ADAMTS14: variants seen among roughly 807,000 people sequenced by gnomAD.
ADAMTS14 encodes A disintegrin and metalloproteinase with thrombospondin motifs 14.
A neutral mutation model predicts 128.6 loss-of-function variants in ADAMTS14; 100 were observed. That is an observed-to-expected ratio of 0.78 (90% CI 0.66 to 0.92). ADAMTS14 has a LOEUF of 0.92. Among genes scored for constraint, ADAMTS14 ranks in the 40% least tolerant of loss-of-function variants. The pLI, the probability that ADAMTS14 is intolerant of heterozygous loss-of-function variation, is 0.00. For synonymous variants in ADAMTS14, 665 were observed against 653.8 expected, an observed-to-expected ratio of 1.02 and a Z score of -0.26; for missense variants, 1,562 against 1,658.6, an observed-to-expected ratio of 0.94 and a Z score of 1.01.
chr10:70,721,806 A>G (rs1449618516), intron 4 of ADAMTS14, among the ~76,000 whole-genome samples: 1 of 152,246 alleles, frequency 6.6e-6, no homozygotes, highest in East Asian at 1.9e-4. Context: ...CAGTCAGCAT[A>G]GTCCTCAGTG....
At chr10:70,752,915 G>C (rs1050606576) in intron 18 of ADAMTS14, among the ~76,000 whole-genome samples, 7 of 152,228 alleles carry the variant, frequency 4.6e-5, no homozygotes, top group Non-Finnish European at 1.0e-4. Context: ...ATGATAACCA[G>C]CCCCTCCTCT....
Position 70,751,657 on chromosome 10 carries a change from C to T in ADAMTS14, c.2596+11C>T, listed in dbSNP as rs1446926568. On this transcript the variant is annotated intron_variant, in intron 17 of 21. Transcript: ENST00000373207. ...AGGCCTGTGGAGGAGGTACCGGTTCCCTGACCCGCCAGTGCTTTGTTGGGG... is the reference window on the plus strand; with the variant it reads ...AGGCCTGTGGAGGAGGTACCGGTTCTCTGACCCGCCAGTGCTTTGTTGGGG... The T allele has an allele frequency of 1.9e-6, 3 of 1,596,906 alleles. No individual in the cohort carries two copies. Among genetic ancestry groups the T allele is most frequent in the Non-Finnish European group, 1.7e-6 (2 of 1,166,086 alleles).
chr10:70,754,218 C>T (rs1720600069), intron 19 of ADAMTS14, among the ~76,000 whole-genome samples: 1 of 152,260 alleles, frequency 6.6e-6, no homozygotes, highest in South Asian at 2.1e-4. Context: ...GTAAGCTTCA[C>T]ACAGTGCCAG....
intron 1 of ADAMTS14, among the ~76,000 whole-genome samples, chr10:70,673,692 G>C (rs1755618336): frequency 6.6e-6 from 1 of 152,172 alleles, no homozygotes; most frequent in Non-Finnish European, 1.5e-5. Flanking sequence ...GACGTGAACT[G>C]GGGAGACGAG....
intron 11 of ADAMTS14, among the ~76,000 whole-genome samples, chr10:70,740,359 A>T (rs1841957068): frequency 6.6e-6 from 1 of 152,208 alleles, no homozygotes; most frequent in South Asian, 2.1e-4. Flanking sequence ...AGCATAGATG[A>T]CTATAAAATA....
At chr10:70,751,327 A>C in intron 16 of ADAMTS14, 151 bp from the exon 17 acceptor site, 1 of 758,066 alleles carries the variant, frequency 1.3e-6, no homozygotes, top group Non-Finnish European at 2.2e-6. Context: ...CCAACCCCCT[A>C]CCATACCCCA....
Position 70,760,540 on chromosome 10 carries a change from C to T in ADAMTS14, c.3359C>T (p.Pro1120Leu). Reference protein sequence around the residue: ...SLPPFSTPGSPLPGPQDPADA... With the variant: ...SLPPFSTPGSLLPGPQDPADA... ...CCCCCCTTCTCCACTCCTGGAAGCC[C>T]CTTACCAGGACCCCAGGACCCTGCA... The change falls in exon 22 of 22, where the codon CCC becomes CTC. Residue 1120 changes from proline to leucine, a missense_variant. By Grantham distance (98) the Pro-to-Leu change is moderately conservative. Transcript: ENST00000373207. 4 of 1,613,450 alleles carry T rather than the reference C, an allele frequency of 2.5e-6. No homozygotes were observed. Among genetic ancestry groups the T allele is most frequent in the African/African-American group, 1.3e-5 (1 of 75,040 alleles).
intron 2 of ADAMTS14, among the ~76,000 whole-genome samples, chr10:70,693,422 C>T (rs1564523695): frequency 1.3e-5 from 2 of 152,158 alleles, no homozygotes; most frequent in African/African-American, 4.8e-5. Flanking sequence ...TCCATGCATG[C>T]TTCAAAGTGA....
intron 2 of ADAMTS14, among the ~76,000 whole-genome samples, chr10:70,679,790 T>G (rs921316914): frequency 3.3e-5 from 5 of 152,220 alleles, no homozygotes; most frequent in African/African-American, 1.2e-4. Flanking sequence ...CTGCAGATCT[T>G]GCATTTTTGA....
Position 70,672,679 on chromosome 10 carries a change from C to T in ADAMTS14, c.-124C>T. ...GGGAAGCAGCTAGGCGGGGAGGCGG[C>T]TGAGGCGGCAGCGGCGGCAGCCAGC... is the stretch of plus-strand genomic sequence containing the variant. On this transcript the variant is annotated 5_prime_UTR_variant, in exon 1 of 22. Transcript: ENST00000373207. 1.6e-6 allele frequency: 2 copies of T among 1,243,150 alleles called. No homozygotes were observed. 77.0% of individuals were successfully genotyped at this position (1,243,150 alleles called of 1,614,324 possible).
rs777439153 is a variant in ADAMTS14, at chr10:70,743,536, C to T, written c.1925-12C>T. The T allele has an allele frequency of 2.5e-6, 4 of 1,611,428 alleles. No homozygotes were observed. The highest frequency in any genetic ancestry group is 3.4e-6 in the Non-Finnish European group (4 of 1,179,242). On this transcript the variant is annotated splice_polypyrimidine_tract_variant and intron_variant, in intron 12 of 21. Transcript: ENST00000373207. ...CCCAGCTGGGGACTCAGCATAGTCC[C>T]TCTCCCTACAGACGCCCAGAAGTGT...
intron 4 of ADAMTS14, among the ~76,000 whole-genome samples, chr10:70,724,490 C>T (rs376060262): frequency 8.5e-5 from 13 of 152,328 alleles, no homozygotes; most frequent in African/African-American, 2.9e-4. Flanking sequence ...AGGGCCAGGT[C>T]CTGGGTGCAC....
intron 4 of ADAMTS14, among the ~76,000 whole-genome samples, chr10:70,721,026 T>A (rs1020792859): frequency 7.2e-6 from 1 of 139,192 alleles, no homozygotes; most frequent in East Asian, 2.1e-4. Flanking sequence ...TTTCTTTTTT[T>A]TTTTTTTTTT....
chr10:70,674,001 T>C lies in ADAMTS14; in HGVS notation c.83-555T>C, dbSNP rs1439656096. ...CACTGTCCTCCTGTAAAAAGTTTTC[T>C]TTCTAACCTTGGAAAAATAGAGAAC... On this transcript the variant is annotated intron_variant, in intron 1 of 21. Transcript: ENST00000373207. Among the ~76,000 whole-genome samples, 4 of 152,234 alleles carry C rather than the reference T, an allele frequency of 2.6e-5. No individual in the cohort carries two copies. The East Asian group carries it at 7.7e-4, about 29-fold the overall frequency.
chr10:70,734,986 G>T (rs764717928), intron 8 of ADAMTS14, among the ~76,000 whole-genome samples, 183 bp from the exon 9 acceptor site: 1 of 152,242 alleles, frequency 6.6e-6, no homozygotes, highest in Non-Finnish European at 1.5e-5. Context: ...ACTGGTGGGA[G>T]TGAGGTCCTG....
In ADAMTS14 at chr10:70,690,626, C is replaced by T. The variant is rs924119992; in HGVS notation, c.523-11686C>T. ...GCATGGTTTAAAACTAGTCAGCGACCCACTGGGCCAGGCTGCTGTAGGGCT... is the reference window on the plus strand; with the variant it reads ...GCATGGTTTAAAACTAGTCAGCGACTCACTGGGCCAGGCTGCTGTAGGGCT... On this transcript the variant is annotated intron_variant, in intron 2 of 21. Transcript: ENST00000373207. Among the ~76,000 whole-genome samples the T allele has an allele frequency of 1.4e-5, 2 of 145,164 alleles. 1 individual carries two copies. The highest frequency in any genetic ancestry group is 3.2e-5 in the Non-Finnish European group (2 of 63,438).
intron 15 of ADAMTS14, among the ~76,000 whole-genome samples, chr10:70,746,237 A>G (rs1842173913): frequency 6.6e-6 from 1 of 152,226 alleles, no homozygotes; most frequent in Admixed American, 6.5e-5. Flanking sequence ...CTATGAAGCT[A>G]GGCTCGATTA....
At chr10:70,678,234 C>T (rs1266421012) in intron 2 of ADAMTS14, among the ~76,000 whole-genome samples, 1 of 152,222 alleles carries the variant, frequency 6.6e-6, no homozygotes, top group African/African-American at 2.4e-5. Flanking sequence ...TTGCTTCCTT[C>T]AATCTTCTGA....
In ADAMTS14 at chr10:70,709,789, C is replaced by T. The variant is rs917122397; in HGVS notation, c.870+1011C>T. ...TGCTGGGATTACAGGCGTGAGCCAC[C>T]GCGCCCAGCCTACATTTCCAGTTTT... On this transcript the variant is annotated intron_variant, in intron 4 of 21. Transcript: ENST00000373207. Among the ~76,000 whole-genome samples the T allele has an allele frequency of 5.5e-4, 83 of 152,260 alleles. 1 individual carries two copies. Among genetic ancestry groups the T allele is most frequent in the Non-Finnish European group, 8.5e-4 (58 of 68,028 alleles).
Sources: gnomAD v4.1 joint callset for allele counts (sites outside exome capture counted in the v4.1 genomes callset) on GRCh38, gnomAD v4.1.1 for gene constraint, MANE v1.5 for transcripts, NCBI Gene and HGNC (gene_info 2026-07-23, HGNC 2026-07-21) for gene names.